The following DYSF variants were observed in gnomAD, a reference collection of about 807,000 sequenced individuals.
DYSF encodes the protein dystrophy-associated fer-1-like 1.
Under a neutral mutation model 274.9 loss-of-function variants are expected in DYSF, and 212 were observed. That is an observed-to-expected ratio of 0.77 (90% CI 0.69 to 0.86). The LOEUF is 0.86. DYSF is among the 40% of genes least tolerant of loss of function. The pLI, the probability that DYSF is intolerant of heterozygous loss-of-function variation, is 0.00. For synonymous variants in DYSF, 1,091 were observed against 1,078.7 expected (o/e 1.01, Z -0.22); for missense variants, 2,666 against 2,783.2 (o/e 0.96, Z 0.95).
intron 17 of DYSF, among the ~76,000 whole-genome samples, chr2:71,543,359 C>G (rs1376707356): frequency 6.6e-6 from 1 of 150,856 alleles, no homozygotes; most frequent in Non-Finnish European, 1.5e-5. Context: ...CGGGAAGAGA[C>G]GCTCCTCACT....
intron 25 of DYSF, 39 bp downstream of exon 25, chr2:71,568,121 C>T: frequency 6.2e-7 from 1 of 1,614,226 alleles, no homozygotes; most frequent in Non-Finnish European, 8.5e-7. Flanking sequence ...CTCCCACTAC[C>T]TGGAGCTGCC....
At chr2:71,609,005 AG>A (rs1437789784) in intron 36 of DYSF, among the ~76,000 whole-genome samples, 1 of 152,060 alleles carries the variant, frequency 6.6e-6, no homozygotes, top group East Asian at 1.9e-4. Context: ...CATAGCCATA[AG>A]GGGCCATGAA....
At chr2:71,674,614 T>C (rs1200768935) in intron 52 of DYSF, among the ~76,000 whole-genome samples, 1 of 152,224 alleles carries the variant, frequency 6.6e-6, no homozygotes, top group African/African-American at 2.4e-5. Flanking sequence ...TCGCCAGCTG[T>C]CTGGCCTCAC....
At chr2:71,644,448 G>A (rs371345428) in intron 42 of DYSF, among the ~76,000 whole-genome samples, 1 of 152,274 alleles carries the variant, frequency 6.6e-6, no homozygotes, top group African/African-American at 2.4e-5. Context: ...GCTTGGAGAT[G>A]GGTACGCAGG....
chr2:71,480,922 A>G lies in DYSF; in HGVS notation c.131A>G (p.Asn44Ser). ...KRTKVIKNSV[N>S]PVWNEGFEWD... is the part of the protein sequence containing the mutation. The stretch of plus-strand genomic sequence containing the variant: ...ACCAAAGTCATCAAGAACAGCGTGA[A>G]CCCTGTATGGAATGAGGTATGTGAG... The change falls in exon 2 of 56, where the codon AAC becomes AGC. Residue 44 changes from asparagine to serine, a missense_variant. Asn to Ser is a conservative substitution (Grantham distance 46, BLOSUM62 1). Transcript: ENST00000410020. The G allele has an allele frequency of 6.2e-7, 1 of 1,614,108 alleles. No homozygotes were observed. Among genetic ancestry groups the G allele is most frequent in the East Asian group, 2.2e-5 (1 of 44,876 alleles).
chr2:71,460,938 G>GA lies in DYSF; in HGVS notation c.88+6868dup, dbSNP rs61178408. Among the ~76,000 whole-genome samples, 490 of 126,182 alleles carry GA rather than the reference G, an allele frequency of 3.9e-3. 7 individuals carry two copies. In the South Asian group the frequency reaches 0.045, roughly 12 times the overall value. 82.8% of individuals were successfully genotyped at this position (126,182 alleles called of 152,430 possible). ...AGCCAGGAATCATTGTGATAGACAG[G>GA]AAAAAAAAAAAAAAAAGAAAAAGAA... is the stretch of plus-strand genomic sequence containing the variant. On this transcript the variant is annotated intron_variant, in intron 1 of 54. Coordinates refer to the DYSF transcript ENST00000258104.
At chr2:71,520,357 C>A in intron 11 of DYSF, 149 bp downstream of exon 11, 2 of 932,460 alleles carry the variant, frequency 2.1e-6, no homozygotes, top group Middle Eastern at 2.5e-4. Flanking sequence ...GTCATTCATC[C>A]TCCATGTGAG....
rs146959102 is a variant in DYSF at position 71,675,331 on chromosome 2, A to G, written c.5884+1035A>G. ...GTGAGGTGGATTTTACCTTGATTAAAAAATAAAGCGAGCTTGTGAAAACGG... is the reference window on the plus strand; with the variant it reads ...GTGAGGTGGATTTTACCTTGATTAAGAAATAAAGCGAGCTTGTGAAAACGG... On this transcript the variant is annotated intron_variant, in intron 52 of 55. Coordinates refer to ENST00000410020, the MANE Select transcript of DYSF (RefSeq NM_001130987.2). Among the ~76,000 whole-genome samples, 344 of 152,344 alleles carry G rather than the reference A, an allele frequency of 2.3e-3. 1 individual carries two copies. Among genetic ancestry groups the G allele is most frequent in the Middle Eastern group, 0.017 (5 of 294 alleles).
intron 16 of DYSF, among the ~76,000 whole-genome samples, chr2:71,535,714 C>G (rs955395076): frequency 1.3e-5 from 2 of 152,094 alleles, no homozygotes; most frequent in African/African-American, 4.8e-5. Context: ...CGGTGCTGCC[C>G]TGGGTTGGTG....
intron 14 of DYSF, among the ~76,000 whole-genome samples, chr2:71,529,850 G>A (rs1380791269): frequency 6.6e-6 from 1 of 152,184 alleles, no homozygotes; most frequent in Non-Finnish European, 1.5e-5. Flanking sequence ...CTGTAAAGAA[G>A]AGCTTTCTCC....
chr2:71,497,665 G>A (rs950878198), intron 3 of DYSF, among the ~76,000 whole-genome samples: 17 of 151,554 alleles, frequency 1.1e-4, no homozygotes, highest in Admixed American at 4.6e-4. Flanking sequence ...AGACCAAACC[G>A]AGGGTCTGGC....
intron 30 of DYSF, among the ~76,000 whole-genome samples, chr2:71,585,440 A>T (rs1220288742): frequency 6.6e-6 from 1 of 152,202 alleles, no homozygotes; most frequent in Non-Finnish European, 1.5e-5. Context: ...AATGGGTGGC[A>T]CATCAGAGGA....
At chr2:71,595,583 A>G (rs1452715203) in intron 32 of DYSF, among the ~76,000 whole-genome samples, 1 of 152,234 alleles carries the variant, frequency 6.6e-6, no homozygotes, top group Non-Finnish European at 1.5e-5. Context: ...AGGTTGGAGC[A>G]GCAGGGCTCA....
chr2:71,474,934 G>A (rs563037030), intron 1 of DYSF, among the ~76,000 whole-genome samples: 23 of 152,338 alleles, frequency 1.5e-4, no homozygotes, highest in African/African-American at 5.3e-4. Context: ...GCTGATCTGT[G>A]ATAGGGGAGG....
chr2:71,475,657 C>G (rs2082342887), intron 1 of DYSF, among the ~76,000 whole-genome samples: 1 of 152,114 alleles, frequency 6.6e-6, no homozygotes, highest in Non-Finnish European at 1.5e-5. Flanking sequence ...AATCAGCATA[C>G]TATGTGCCAG....
At chr2:71,504,306 C>T (rs2085274723) in intron 4 of DYSF, among the ~76,000 whole-genome samples, 1 of 152,102 alleles carries the variant, frequency 6.6e-6, no homozygotes, top group Non-Finnish European at 1.5e-5. Flanking sequence ...CCTCTCGGTG[C>T]TGGACTTTGC....
At chr2:71,681,385 A>G (rs1314112000) in intron 54 of DYSF, among the ~76,000 whole-genome samples, 2 of 152,238 alleles carry the variant, frequency 1.3e-5, no homozygotes, top group African/African-American at 4.8e-5. Flanking sequence ...ACATTGTGCT[A>G]TGGAACCTTC....
At chr2:71,502,665 C>G (rs2085100429) in intron 3 of DYSF, among the ~76,000 whole-genome samples, 1 of 152,180 alleles carries the variant, frequency 6.6e-6, no homozygotes, top group African/African-American at 2.4e-5. Flanking sequence ...TATGGACCGC[C>G]CAGGGCCTCT....
chr2:71,522,772 T>A (rs2152744480), intron 12 of DYSF, among the ~76,000 whole-genome samples: 2 of 152,264 alleles, frequency 1.3e-5, no homozygotes, highest in South Asian at 4.2e-4. Context: ...TCCCCACACC[T>A]GTTCCCCATC....
Sources: gnomAD v4.1 joint callset for allele counts (sites outside exome capture counted in the v4.1 genomes callset) on GRCh38, gnomAD v4.1.1 for gene constraint, MANE v1.5 for transcripts, NCBI Gene and HGNC (gene_info 2026-07-23, HGNC 2026-07-21) for gene names.